Variants in LY9 observed in about 807,000 individuals in gnomAD.
LY9 encodes lymphocyte antigen 9, also known as T-lymphocyte surface antigen Ly-9.
LY9 carries 59 observed loss-of-function variants against 64.6 expected under a neutral mutation model. The observed-to-expected ratio is 0.91, with a 90% CI of 0.74 to 1.13. The LOEUF (loss-of-function observed/expected upper bound fraction) is 1.13. Ranked by LOEUF, LY9 falls within the 50% of genes most tolerant of loss-of-function variation. LY9 has a pLI of 0.00. For missense variants in LY9, 789 were observed against 797.2 expected (o/e 0.99, Z 0.12); for synonymous variants, 281 against 308.5 (o/e 0.91, Z 0.93).
chr1:160,819,975 G>A (rs938905140), intron 7 of LY9, among the ~76,000 whole-genome samples: 9 of 152,028 alleles, frequency 5.9e-5, no homozygotes, highest in Non-Finnish European at 1.2e-4. Context: ...TGAAAAGGAA[G>A]GTAGCATAGA....
At position 160,819,353 on chromosome 1, in the gene LY9, G is replaced by A. The variant is rs772309907; in HGVS notation, c.1477G>A (p.Glu493Lys). The A allele has an allele frequency of 5.0e-6, 8 of 1,613,636 alleles. No individual in the cohort carries two copies. The East Asian group carries it at 1.3e-4, about 27-fold the overall frequency. ...CCCAGCCTTCTGTTCCAGCCAAGCT[G>A]AGGCCCCAGCGGATACACCAGGTAA... ...SVPAFCSSQA[E>K]APADTPEPTA... The change falls in exon 7 of 10, where the codon GAG becomes AAG. Residue 493 changes from glutamate (E) to lysine (K), a missense_variant. Glu to Lys is a moderately conservative substitution (Grantham distance 56, BLOSUM62 1). Transcript: ENST00000263285.
In LY9 at chr1:160,823,771, T is replaced by C. The variant is rs763258613; in HGVS notation, c.1805T>C (p.Met602Thr). 2.0e-5 allele frequency: 32 copies of C among 1,613,486 alleles called. No homozygotes were observed. The highest frequency in any genetic ancestry group is 2.6e-5 in the Non-Finnish European group (31 of 1,179,436). The change falls in exon 8 of 10, where the codon ATG becomes ACG. Residue 602 changes from methionine (M) to threonine (T), a missense_variant. Coordinates refer to ENST00000263285, the MANE Select transcript of LY9 (RefSeq NM_002348.4). ...EVESVVGENTMYAQVFNLQGK... is the reference protein window; with the variant it reads ...EVESVVGENTTYAQVFNLQGK... ...GAGTCTGTGGTTGGAGAGAACACCA[T>C]GTATGCACAAGTGTTCAACTTACAG...
intron 2 of LY9, chr1:160,801,650 T>C (rs1666489623): frequency 1.5e-6 from 1 of 651,996 alleles, no homozygotes; most frequent in Admixed American, 2.9e-5. Flanking sequence ...AGGAGAGTTT[T>C]CCCTAGGTTT....
intron 2 of LY9, chr1:160,801,884 G>A (rs373372192): frequency 6.2e-7 from 1 of 1,614,058 alleles, no homozygotes; most frequent in African/African-American, 1.3e-5. Context: ...TCAGCACCCT[G>A]GCTGAGCCAC....
intron 2 of LY9, among the ~76,000 whole-genome samples, chr1:160,804,770 C>A (rs762386293): frequency 6.6e-6 from 1 of 152,046 alleles, no homozygotes; most frequent in East Asian, 1.9e-4. Context: ...CACTACTTGT[C>A]GTTGGTGTCT....
At chr1:160,800,129 T>C (rs752487909) in intron 2 of LY9, 47 bp downstream of exon 2, 1 of 1,482,420 alleles carries the variant, frequency 6.7e-7, no homozygotes, top group Non-Finnish European at 9.2e-7. Context: ...TTTTTTTTAT[T>C]TGTGCAAATT....
intron 2 of LY9, among the ~76,000 whole-genome samples, chr1:160,806,203 G>A (rs1666978041): frequency 6.6e-6 from 1 of 151,780 alleles, no homozygotes; most frequent in African/African-American, 2.4e-5. Context: ...GCTTTTTCCT[G>A]TATACTGTTA....
At chr1:160,824,958 C>A (rs1281859382) in intron 9 of LY9, among the ~76,000 whole-genome samples, 1 of 119,414 alleles carries the variant, frequency 8.4e-6, no homozygotes, top group Non-Finnish European at 1.6e-5. Context: ...CCAGCCTGGG[C>A]AACAGAACAA....
chr1:160,819,853 AAGGGAGGG>A (rs1363780378), intron 7 of LY9, among the ~76,000 whole-genome samples: 1 of 50,886 alleles, frequency 2.0e-5, no homozygotes, highest in Non-Finnish European at 3.7e-5. Context: ...GGAAGGAAGG[AAGGGAGGG>A]AGGGAGGGAG....
chr1:160,807,835 G>T (rs1327328721), intron 2 of LY9, among the ~76,000 whole-genome samples: 1 of 152,172 alleles, frequency 6.6e-6, no homozygotes. Context: ...CAATCCCCAA[G>T]ATGCTGGCCT....
At chr1:160,816,891 T>G (rs771597442) in intron 5 of LY9, 28 bp downstream of exon 5, 1 of 1,612,374 alleles carries the variant, frequency 6.2e-7, no homozygotes, top group Non-Finnish European at 8.5e-7. Flanking sequence ...TTTACTCAGG[T>G]CACAGGACCT....
intron 6 of LY9, 85 bp downstream of exon 6, chr1:160,818,404 C>G (rs956271827): frequency 2.1e-6 from 2 of 937,092 alleles, no homozygotes; most frequent in South Asian, 1.4e-5. Flanking sequence ...CACACAATCC[C>G]GTGCTACCCC....
chr1:160,819,456 C>T, intron 7 of LY9, 82 bp downstream of exon 7: 4 of 1,266,420 alleles, frequency 3.2e-6, no homozygotes, highest in South Asian at 1.2e-5. Flanking sequence ...GTGTGGTCTG[C>T]TGGCCAGCAG....
At position 160,796,184 on chromosome 1, in the gene LY9, C is replaced by A. The variant is rs368423419; in HGVS notation, c.-4C>A. 127 of 1,613,338 alleles carry A rather than the reference C, an allele frequency of 7.9e-5. 1 individual carries two copies. In the Middle Eastern group the frequency reaches 2.3e-3, roughly 29 times the overall value. On this transcript the variant is annotated 5_prime_UTR_variant, in exon 1 of 10. Coordinates refer to ENST00000263285, the MANE Select transcript of LY9 (RefSeq NM_002348.4). ...TTCAGTCTCAGTTCTGAAAATAGAT[C>A]ATCATGGTGGCACCAAAGAGTCACA...
intron 7 of LY9, among the ~76,000 whole-genome samples, chr1:160,820,216 A>G (rs987866770): frequency 6.6e-6 from 1 of 152,124 alleles, no homozygotes; most frequent in African/African-American, 2.4e-5. Flanking sequence ...AAACTTCAGG[A>G]GACTGTACAA....
intron 2 of LY9, 23 bp downstream of exon 2, chr1:160,800,105 G>T (rs773837289): frequency 7.7e-6 from 12 of 1,561,240 alleles, no homozygotes; most frequent in South Asian, 3.5e-5. Context: ...GAGCTTCTGT[G>T]TTTTGATCTT....
rs1340425404 is a variant in LY9 at position 160,823,557 on chromosome 1, C to G, written c.1591C>G (p.Pro531Ala). 1.2e-6 allele frequency: 2 copies of G among 1,614,050 alleles called. No homozygotes were observed. Among genetic ancestry groups the G allele is most frequent in the African/African-American group, 1.3e-5 (1 of 74,924 alleles). The change falls in exon 8 of 10, where the codon CCC (proline) becomes GCC (alanine). Residue 531 changes from proline to alanine, a missense_variant. By Grantham distance (27) the Pro-to-Ala change is conservative. Transcript: ENST00000263285. ...PLRPARQQPT[P>A]TSDSSSDSNL... ...CAGGCCTGCCAGGCAACAGCCTACA[C>G]CCACCTCAGACAGCAGCTCTGACAG...
chr1:160,813,463 G>A (rs563074860), intron 2 of LY9, 173 bp from the exon 3 acceptor site: 10 of 614,636 alleles, frequency 1.6e-5, no homozygotes, highest in Middle Eastern at 4.2e-4. Context: ...CGGATGTTAT[G>A]GGAGTACAGA....
At chr1:160,797,442 C>T (rs1019102061) in intron 1 of LY9, among the ~76,000 whole-genome samples, 4 of 152,194 alleles carry the variant, frequency 2.6e-5, no homozygotes, top group South Asian at 2.1e-4. Flanking sequence ...CATCAAAACA[C>T]ACAGAAAGCA....
Sources: allele counts gnomAD v4.1 joint callset (sites outside exome capture counted in the v4.1 genomes callset), GRCh38; gene constraint gnomAD v4.1.1; transcripts MANE v1.5; gene names NCBI Gene and HGNC (gene_info 2026-07-23, HGNC 2026-07-21).